BLTP2: variants seen among roughly 807,000 people sequenced by gnomAD.
BLTP2 encodes bridge-like lipid transfer protein family member 2.
At chr17:28,636,309 G>A in the BLTP2 span, among the ~76,000 whole-genome samples, 2 of 152,158 alleles carry the variant, frequency 1.3e-5, no homozygotes, top group Admixed American at 6.5e-5. Context: ...AGGGTCCCAT[G>A]TCCATTTGTT....
chr17:28,621,565 G>A, the BLTP2 span: 1 of 1,136,898 alleles, frequency 8.8e-7, no homozygotes, highest in Non-Finnish European at 1.3e-6. Flanking sequence ...ACAATTGGGT[G>A]ACAGATCTCC....
the BLTP2 span, chr17:28,639,184 A>G: frequency 1.2e-5 from 10 of 854,906 alleles, no homozygotes; most frequent in African/African-American, 1.7e-4. Flanking sequence ...ATAAAACAGG[A>G]TTGCTGTTGA....
the BLTP2 span, chr17:28,631,920 C>G: frequency 6.2e-7 from 1 of 1,614,060 alleles, no homozygotes; most frequent in Non-Finnish European, 8.5e-7. Flanking sequence ...AATAATGTAC[C>G]TGGCAACAAG....
the BLTP2 span, chr17:28,621,390 A>G: frequency 1.1e-5 from 18 of 1,602,572 alleles, no homozygotes; most frequent in Non-Finnish European, 1.5e-5. Flanking sequence ...GAGGAGGGGG[A>G]GGGCTGACCT....
At chr17:28,633,199 G>T in the BLTP2 span, 1 of 1,595,358 alleles carries the variant, frequency 6.3e-7, no homozygotes, top group Non-Finnish European at 8.6e-7. Context: ...CAGTGCCCTG[G>T]TCACTCACTT....
chr17:28,615,264 A>T, the BLTP2 span: 12 of 1,577,684 alleles, frequency 7.6e-6, no homozygotes, highest in African/African-American at 1.4e-5. Flanking sequence ...ATTGGAGAGG[A>T]GTAAAAGAAA....
the BLTP2 span, chr17:28,621,436 A>G: frequency 3.7e-6 from 6 of 1,613,902 alleles, no homozygotes; most frequent in Admixed American, 6.7e-5. Context: ...CTGCCTGCCC[A>G]CTCTCCATCA....
At chr17:28,628,386 T>C in the BLTP2 span, 49 of 1,614,076 alleles carry the variant, frequency 3.0e-5, no homozygotes, top group Non-Finnish European at 3.9e-5. Flanking sequence ...GATCAATCTT[T>C]AACCCCTTCA....
chr17:28,632,324 G>A, the BLTP2 span: 1 of 1,321,758 alleles, frequency 7.6e-7, no homozygotes, highest in Non-Finnish European at 1.0e-6. Context: ...AGGTTGTAGA[G>A]GTTTAAAAAT....
the BLTP2 span, chr17:28,620,919 C>T: frequency 7.0e-7 from 1 of 1,431,402 alleles, no homozygotes; most frequent in Non-Finnish European, 9.8e-7. Context: ...TGTCTCAAAA[C>T]CACCAAGGAA....
the BLTP2 span, chr17:28,645,031 A>C: frequency 6.2e-7 from 1 of 1,601,806 alleles, no homozygotes; most frequent in South Asian, 1.1e-5. Flanking sequence ...CAGCAAGACC[A>C]ACAGCGCGGA....
chr17:28,633,224 C>T, the BLTP2 span: 1 of 1,597,266 alleles, frequency 6.3e-7, no homozygotes, highest in Admixed American at 1.7e-5. Context: ...TTGGCTCTTC[C>T]CCCTCCCTCC....
the BLTP2 span, chr17:28,628,547 G>T: frequency 6.2e-7 from 1 of 1,613,214 alleles, no homozygotes; most frequent in South Asian, 1.1e-5. Context: ...TCCCCATCAC[G>T]AGCAGAGAGC....
chr17:28,640,150 T>C, the BLTP2 span: 6 of 1,047,774 alleles, frequency 5.7e-6, no homozygotes, highest in Non-Finnish European at 8.1e-6. Flanking sequence ...ATCCCAGCCC[T>C]TTGGGAGGCC....
chr17:28,644,857 C>A, the BLTP2 span: 1 of 758,864 alleles, frequency 1.3e-6, no homozygotes, highest in Non-Finnish European at 2.1e-6. Context: ...CGCGCGCCCC[C>A]TCCCTCCACC....
the BLTP2 span, chr17:28,637,046 G>A: frequency 6.4e-5 from 104 of 1,614,178 alleles, no homozygotes; most frequent in Non-Finnish European, 8.7e-5. Context: ...CAGGGGCCTT[G>A]CAACAGGGTT....
the BLTP2 span, chr17:28,636,884 G>GA: frequency 0.13 from 119,828 of 893,744 alleles, 26 homozygotes; most frequent in South Asian, 0.14. Context: ...GAAAAGACAA[G>GA]AAAAAAAAAA....
chr17:28,624,532 C>A, the BLTP2 span: 1 of 613,868 alleles, frequency 1.6e-6, no homozygotes, highest in South Asian at 2.8e-5. Flanking sequence ...AAAACTCTAG[C>A]CCAGCCCATC....
the BLTP2 span, chr17:28,641,910 A>G: frequency 6.2e-7 from 1 of 1,613,500 alleles, no homozygotes; most frequent in Non-Finnish European, 8.5e-7. Flanking sequence ...ACAGGCTTAG[A>G]TGCTAGGCTT....
Sources: allele counts gnomAD v4.1 joint callset (sites outside exome capture counted in the v4.1 genomes callset), GRCh38; gene constraint gnomAD v4.1.1; transcripts MANE v1.5; gene names NCBI Gene and HGNC (gene_info 2026-07-23, HGNC 2026-07-21).